The following EYS variants were observed in gnomAD, a reference collection of about 807,000 sequenced individuals.
EYS encodes the protein EGF-like photoreceptor maintenance factor.
In EYS, 250 loss-of-function variants were observed where a neutral mutation model predicts 282.1. That is an observed-to-expected ratio of 0.89 (90% CI 0.80 to 0.98). EYS has a LOEUF of 0.98. Ranked by LOEUF, EYS falls within the 50% of genes least tolerant of loss-of-function variation. The probability of loss-of-function intolerance (pLI) is 0.00; values close to 1 mark genes in which losing one functional copy is unlikely to be tolerated. For synonymous variants in EYS, 1,355 were observed against 1,282.9 expected, an observed-to-expected ratio of 1.06 and a Z score of -1.20; for missense variants, 4,016 against 3,709.0, an observed-to-expected ratio of 1.08 and a Z score of -2.15.
intron 26 of EYS, among the ~76,000 whole-genome samples, chr6:64,476,266 T>C (rs1173037516): frequency 6.6e-6 from 1 of 152,170 alleles, no homozygotes. Flanking sequence ...TGTCTGTCTT[T>C]ATATTGCATG....
At chr6:64,911,609 G>A (rs1767992857) in intron 16 of EYS, among the ~76,000 whole-genome samples, 1 of 152,090 alleles carries the variant, frequency 6.6e-6, no homozygotes, top group Admixed American at 6.6e-5. Flanking sequence ...TGAGAGGCAG[G>A]AAAACATGAA....
intron 40 of EYS, 77 bp downstream of exon 40, chr6:63,777,929 A>G: frequency 7.7e-7 from 1 of 1,291,702 alleles, no homozygotes; most frequent in Non-Finnish European, 1.1e-6. Flanking sequence ...TAGTTTGTAC[A>G]AGTGGAATGA....
rs1334436916 is a variant in EYS, at chr6:64,181,996, TTCAC to T, written c.6424+48592_6424+48595del. 2.0e-5 allele frequency among the ~76,000 whole-genome samples: 3 copies of T among 152,194 alleles called. No homozygotes were observed. The East Asian group carries it at 5.8e-4, about 29-fold the overall frequency. Reference sequence around the variant, plus strand: ...TTTACAGGTGTCATTCAATCATTGTTTCACTCACTCATTGAGGAAGACTCACTAT... The same window carrying T: ...TTTACAGGTGTCATTCAATCATTGTTTCACTCATTGAGGAAGACTCACTAT... On this transcript the variant is annotated intron_variant, in intron 31 of 42. Coordinates refer to ENST00000503581, the MANE Select transcript of EYS (RefSeq NM_001142800.2).
At chr6:64,787,940 C>T (rs894638946) in intron 22 of EYS, among the ~76,000 whole-genome samples, 1 of 151,826 alleles carries the variant, frequency 6.6e-6, no homozygotes, top group Non-Finnish European at 1.5e-5. Context: ...CATCATGCCC[C>T]TTTGTAACTG....
rs1582070112 is a variant in EYS, at chr6:63,979,245, CTG to C, written c.7055+5136_7055+5137del. ...TTACATTTTGTCAGTGGCTGCATTCCTGCTACAATAGGAGAGTTAAGTTATTG... is the reference window on the plus strand; with the variant it reads ...TTACATTTTGTCAGTGGCTGCATTCCCTACAATAGGAGAGTTAAGTTATTG... On this transcript the variant is annotated intron_variant, in intron 35 of 42. Transcript: ENST00000503581. Among the ~76,000 whole-genome samples the C allele has an allele frequency of 2.0e-5, 3 of 152,002 alleles. No individual in the cohort carries two copies. The East Asian group carries it at 5.8e-4, about 30-fold the overall frequency.
In EYS at chr6:65,118,594, C is replaced by T. The variant is rs997743315; in HGVS notation, c.2024-60867G>A. ...CTCTCCATGCCCTATAGCTCTGTCT[C>T]GGAACCTGTGATTGCTGTGAATTGT... On this transcript the variant is annotated intron_variant, in intron 12 of 42. Transcript: ENST00000503581. Among the ~76,000 whole-genome samples, 14 of 152,144 alleles carry T rather than the reference C, an allele frequency of 9.2e-5. 1 individual carries two copies. Among genetic ancestry groups the T allele is most frequent in the Admixed American group, 8.5e-4 (13 of 15,278 alleles).
chr6:65,660,198 AG>A (rs1430074000), intron 1 of EYS, among the ~76,000 whole-genome samples: 1 of 151,800 alleles, frequency 6.6e-6, no homozygotes, highest in Non-Finnish European at 1.5e-5. Flanking sequence ...GGTCCTGCAT[AG>A]GGGTAGTGAG....
chr6:64,080,573 G>T (rs896116480), intron 32 of EYS, among the ~76,000 whole-genome samples: 91 of 152,112 alleles, frequency 6.0e-4, no homozygotes, highest in Middle Eastern at 3.4e-3. Flanking sequence ...ACATCCCATT[G>T]GTCAATTTTG....
chr6:65,255,867 T>A (rs577518434), intron 12 of EYS, among the ~76,000 whole-genome samples: 5 of 152,142 alleles, frequency 3.3e-5, no homozygotes, highest in Non-Finnish European at 7.4e-5. Context: ...GATGAGGATG[T>A]GAGGAAAGGG....
At chr6:63,741,917 C>CTGG in intron 41 of EYS, 2 of 702,338 alleles carry the variant, frequency 2.8e-6, no homozygotes, top group African/African-American at 3.5e-5. Context: ...CCTTACCCTC[C>CTGG]TTCTTCACTT....
At chr6:64,803,246 A>C (rs1467690374) in intron 22 of EYS, among the ~76,000 whole-genome samples, 1 of 152,040 alleles carries the variant, frequency 6.6e-6, no homozygotes, top group Non-Finnish European at 1.5e-5. Context: ...GCAAATCTGG[A>C]GTGGGTACCT....
intron 29 of EYS, among the ~76,000 whole-genome samples, chr6:64,317,828 A>G (rs1210065630): frequency 1.3e-5 from 2 of 152,274 alleles, no homozygotes; most frequent in East Asian, 3.9e-4. Flanking sequence ...GCACATATAA[A>G]CCATGGAATA....
chr6:64,607,609 G>A (rs1766977343), intron 24 of EYS, among the ~76,000 whole-genome samples: 2 of 152,038 alleles, frequency 1.3e-5, no homozygotes, highest in Admixed American at 1.3e-4. Context: ...CATAGTCTTA[G>A]GGGTTAGAAC....
intron 2 of EYS, among the ~76,000 whole-genome samples, chr6:65,572,033 G>C (rs1209883481): frequency 6.6e-6 from 1 of 151,920 alleles, no homozygotes; most frequent in African/African-American, 2.4e-5. Flanking sequence ...AATGAGAAAG[G>C]AAAATCTTCT....
chr6:63,785,801 G>T (rs1214857480), intron 39 of EYS, among the ~76,000 whole-genome samples: 2 of 152,108 alleles, frequency 1.3e-5, no homozygotes, highest in Non-Finnish European at 2.9e-5. Flanking sequence ...TTGAGCCCAG[G>T]ATTTCAAGAC....
intron 36 of EYS, among the ~76,000 whole-genome samples, chr6:63,850,178 G>A (rs1772208852): frequency 6.6e-6 from 1 of 152,124 alleles, no homozygotes; most frequent in Non-Finnish European, 1.5e-5. Context: ...GAGACAATGG[G>A]AAAAGACCAA....
intron 24 of EYS, among the ~76,000 whole-genome samples, chr6:64,616,415 A>G (rs1459634326): frequency 6.6e-6 from 1 of 152,130 alleles, no homozygotes; most frequent in African/African-American, 2.4e-5. Context: ...AAAGGAAGAT[A>G]TCTGTTTGAG....
intron 5 of EYS, among the ~76,000 whole-genome samples, chr6:65,451,724 A>C (rs183376615): frequency 2.6e-5 from 4 of 152,132 alleles, no homozygotes; most frequent in African/African-American, 9.6e-5. Context: ...TGCTACTTCC[A>C]CAGTGAAAAC....
intron 1 of EYS, among the ~76,000 whole-genome samples, chr6:65,673,867 G>C (rs1380066377): frequency 6.6e-6 from 1 of 151,972 alleles, no homozygotes; most frequent in Non-Finnish European, 1.5e-5. Flanking sequence ...TGTCTAACTA[G>C]ACCAAGAGGC....
Sources: gnomAD v4.1 joint callset for allele counts (sites outside exome capture counted in the v4.1 genomes callset) on GRCh38, gnomAD v4.1.1 for gene constraint, MANE v1.5 for transcripts, NCBI Gene and HGNC (gene_info 2026-07-23, HGNC 2026-07-21) for gene names.